Variants in ZSWIM6 observed in about 807,000 individuals in gnomAD.
ZSWIM6 encodes zinc finger SWIM domain-containing protein 6.
ZSWIM6 carries 9 observed loss-of-function variants against 113.2 expected under a neutral mutation model. That is an observed-to-expected ratio of 0.08 (90% confidence interval 0.05 to 0.14). ZSWIM6 has a LOEUF of 0.14. Ranked by LOEUF, ZSWIM6 falls within the 10% of genes least tolerant of loss-of-function variation. The pLI is 1.00. For missense variants in ZSWIM6, 1,162 were observed against 1,552.2 expected (o/e 0.75, Z 4.22); for synonymous variants, 611 against 606.5 (o/e 1.01, Z -0.11).
intron 12 of ZSWIM6, among the ~76,000 whole-genome samples, chr5:61,540,029 G>A (rs1341117991): frequency 5.3e-5 from 8 of 152,114 alleles, no homozygotes; most frequent in African/African-American, 1.9e-4. Flanking sequence ...CAGCCTTAAC[G>A]ACACTGTTTC....
chr5:61,383,060 T>C (rs1006522657), intron 1 of ZSWIM6, among the ~76,000 whole-genome samples: 4 of 152,198 alleles, frequency 2.6e-5, no homozygotes, highest in African/African-American at 9.6e-5. Context: ...AGTGGTACAA[T>C]AAATACAGTC....
In ZSWIM6 at chr5:61,539,600, T is replaced by C. The variant is rs1580073254; in HGVS notation, c.2544T>C (p.Asp848=). Residue 848 remains aspartate, a synonymous_variant, in exon 12 of 14, where the codon GAT becomes GAC. Transcript: ENST00000252744. ...ASTMLTAAKG[D]VRRLETVLES... ...GTTTTCCCTTGTTCATTGCAGGCGATGTTCGGAGGCTGGAAACAGTATTAG... is the reference window on the plus strand; with the variant it reads ...GTTTTCCCTTGTTCATTGCAGGCGACGTTCGGAGGCTGGAAACAGTATTAG... The C allele has an allele frequency of 6.4e-7, 1 of 1,550,488 alleles. No individual in the cohort carries two copies. The highest frequency in any genetic ancestry group is 1.7e-4 in the Middle Eastern group (1 of 5,988).
chr5:61,513,800 T>G (rs191637402), intron 4 of ZSWIM6, among the ~76,000 whole-genome samples: 1 of 152,142 alleles, frequency 6.6e-6, no homozygotes, highest in African/African-American at 2.4e-5. Context: ...CTGAACTCTA[T>G]TCTGTTCCTT....
At chr5:61,396,137 G>A (rs761609142) in intron 1 of ZSWIM6, among the ~76,000 whole-genome samples, 2 of 152,106 alleles carry the variant, frequency 1.3e-5, no homozygotes, top group African/African-American at 4.8e-5. Flanking sequence ...CTAGCTGTGG[G>A]CTTTGGATCT....
At chr5:61,349,528 A>G (rs998987646) in intron 1 of ZSWIM6, among the ~76,000 whole-genome samples, 1 of 152,154 alleles carries the variant, frequency 6.6e-6, no homozygotes, top group African/African-American at 2.4e-5. Flanking sequence ...TGACTGCTGG[A>G]TAAGTAGGCT....
intron 1 of ZSWIM6, among the ~76,000 whole-genome samples, chr5:61,346,120 T>G (rs754117636): frequency 1.4e-4 from 21 of 146,938 alleles, no homozygotes; most frequent in Non-Finnish European, 2.4e-4. Context: ...AATTTTTGTG[T>G]TTTTTTTTTA....
chr5:61,429,137 C>A (rs1266448990), intron 1 of ZSWIM6, among the ~76,000 whole-genome samples: 2 of 152,222 alleles, frequency 1.3e-5, no homozygotes, highest in African/African-American at 4.8e-5. Context: ...TGTTGCTACT[C>A]ATTTGAGGTT....
At chr5:61,479,904 T>C (rs1456781621) in intron 2 of ZSWIM6, among the ~76,000 whole-genome samples, 1 of 146,716 alleles carries the variant, frequency 6.8e-6, no homozygotes, top group Non-Finnish European at 1.5e-5. Flanking sequence ...AAGGAAAATA[T>C]TTGTGAACCA....
chr5:61,539,449 T>TA lies in ZSWIM6; in HGVS notation c.2540-147_2540-146insA, dbSNP rs1329632048. Reference sequence around the variant, plus strand: ...GTAACACCTGTGCCATCTGTGAACATGTTAGGTAAATTAACTTGTGCTTTA... The same window carrying TA: ...GTAACACCTGTGCCATCTGTGAACATAGTTAGGTAAATTAACTTGTGCTTTA... On this transcript the variant is annotated intron_variant, in intron 11 of 13. Transcript: ENST00000252744. The TA allele has an allele frequency of 3.0e-5, 28 of 922,228 alleles. No individual in the cohort carries two copies. In the Admixed American group the frequency reaches 7.0e-4, roughly 23 times the overall value. 57.1% of individuals were successfully genotyped at this position (922,228 alleles called of 1,614,324 possible).
At chr5:61,362,877 T>G (rs1302564005) in intron 1 of ZSWIM6, among the ~76,000 whole-genome samples, 1 of 152,168 alleles carries the variant, frequency 6.6e-6, no homozygotes, top group African/African-American at 2.4e-5. Context: ...CACAACCCAG[T>G]ACACACATAC....
chr5:61,489,353 T>C (rs925797229), intron 2 of ZSWIM6, among the ~76,000 whole-genome samples: 1 of 152,062 alleles, frequency 6.6e-6, no homozygotes, highest in Non-Finnish European at 1.5e-5. Context: ...TGAGCAGTTA[T>C]TACCATTTAT....
At chr5:61,389,554 C>CAAAAAAAAAAAAAAAAAAAAA (rs60533774) in intron 1 of ZSWIM6, among the ~76,000 whole-genome samples, 2 of 50,986 alleles carry the variant, frequency 3.9e-5, no homozygotes, top group Non-Finnish European at 3.9e-5. Context: ...GACTCAGTCT[C>CAAAAAAAAAAAAAAAAAAAAA]AAAAAAAAAA....
At chr5:61,352,931 AC>A (rs1744823115) in intron 1 of ZSWIM6, among the ~76,000 whole-genome samples, 1 of 152,160 alleles carries the variant, frequency 6.6e-6, no homozygotes, top group Admixed American at 6.5e-5. Flanking sequence ...TGGATGAGCA[AC>A]TGTGTTTGGT....
intron 1 of ZSWIM6, among the ~76,000 whole-genome samples, chr5:61,463,008 A>G (rs1747350303): frequency 6.6e-6 from 1 of 152,190 alleles, no homozygotes; most frequent in African/African-American, 2.4e-5. Flanking sequence ...ATAGCTGCCT[A>G]TATATTTTTT....
chr5:61,402,706 A>G (rs1043109129), intron 1 of ZSWIM6, among the ~76,000 whole-genome samples: 2 of 152,226 alleles, frequency 1.3e-5, no homozygotes, highest in Non-Finnish European at 2.9e-5. Flanking sequence ...CTTAAAGGTT[A>G]AGTATCCATT....
chr5:61,343,243 G>A (rs1744586284), intron 1 of ZSWIM6, among the ~76,000 whole-genome samples: 1 of 152,276 alleles, frequency 6.6e-6, no homozygotes, highest in Non-Finnish European at 1.5e-5. Context: ...CTTACTAACT[G>A]AATAAGCTGA....
At position 61,543,988 on chromosome 5, in the gene ZSWIM6, A is replaced by G. The variant is rs1032825416; in HGVS notation, c.3319A>G (p.Ile1107Val). ...SVKCATVLSD[I>V]LRRCTLTTPG... ...CAAGTGTGCAACGGTACTGTCAGAC[A>G]TTTTGCGCAGATGCACTCTGACCAC... Residue 1107 changes from isoleucine (I) to valine (V), a missense_variant, in exon 14 of 14, where the codon ATT becomes GTT. Ile to Val is a conservative substitution (Grantham distance 29). Transcript: ENST00000252744. The surrounding 1 kb of genome is among the most constrained non-coding windows in gnomAD (Gnocchi z 4.3). 6.4e-7 allele frequency: 1 copy of G among 1,551,874 alleles called. No individual in the cohort carries two copies. The highest frequency in any genetic ancestry group is 8.7e-7 in the Non-Finnish European group (1 of 1,147,032).
At chr5:61,360,630 GT>G (rs1197661311) in intron 1 of ZSWIM6, among the ~76,000 whole-genome samples, 5 of 152,182 alleles carry the variant, frequency 3.3e-5, no homozygotes, top group African/African-American at 1.2e-4. Flanking sequence ...ATGAGTGGCT[GT>G]TTCCATTGAT....
Position 61,332,713 on chromosome 5 carries a change from G to GGGCGGCGGC in ZSWIM6, c.454_462dup (p.Gly152_Gly154dup), listed in dbSNP as rs864309616. ...ACGACAGCGGTGGCGGCGGCGGCGC[G>GGGCGGCGGC]GGCGGCGGCGGCGGCGGCGGCTCCT... On this transcript the variant is annotated inframe_insertion, in exon 1 of 14. Transcript: ENST00000252744. 14 of 928,530 alleles carry GGGCGGCGGC rather than the reference G, an allele frequency of 1.5e-5. No individual in the cohort carries two copies. The highest frequency in any genetic ancestry group is 1.3e-4 in the East Asian group (1 of 7,814). 57.5% of individuals were successfully genotyped at this position (928,530 alleles called of 1,614,324 possible).
Sources: gnomAD v4.1 joint callset for allele counts (sites outside exome capture counted in the v4.1 genomes callset) on GRCh38, gnomAD v4.1.1 for gene constraint, Gnocchi (gnomAD v3.1) non-coding constraint, MANE v1.5 for transcripts, NCBI Gene and HGNC (gene_info 2026-07-23, HGNC 2026-07-21) for gene names.